Variants in ANO10 observed in about 807,000 individuals in gnomAD.
ANO10 encodes anoctamin-10.
ANO10 carries 77 observed loss-of-function variants against 74.7 expected under a neutral mutation model. The observed-to-expected ratio is 1.03, with a 90% CI of 0.86 to 1.25. The LOEUF (loss-of-function observed/expected upper bound fraction) is 1.25. Ranked by LOEUF, ANO10 falls within the 50% of genes most tolerant of loss-of-function variation. ANO10 has a pLI of 0.00. For synonymous variants in ANO10, 279 were observed against 284.9 expected, an observed-to-expected ratio of 0.98 and a Z score of 0.21; for missense variants, 721 against 778.1, an observed-to-expected ratio of 0.93 and a Z score of 0.87.
chr3:43,375,860 TTTGTTTGTTC>T (rs1461310931), intron 12 of ANO10, among the ~76,000 whole-genome samples: 2 of 152,260 alleles, frequency 1.3e-5, no homozygotes, highest in Non-Finnish European at 2.9e-5. Context: ...TATAATATTT[TTTGTTTGTTC>T]ATTTTTGTTT....
chr3:43,397,467 A>G (rs2092403514), intron 12 of ANO10, among the ~76,000 whole-genome samples: 1 of 152,110 alleles, frequency 6.6e-6, no homozygotes, highest in South Asian at 2.1e-4. Context: ...TTAAGTTAGA[A>G]GCAGTTCAAT....
At chr3:43,557,501 C>T (rs1302313451) in intron 9 of ANO10, among the ~76,000 whole-genome samples, 6 of 151,804 alleles carry the variant, frequency 4.0e-5, no homozygotes, top group African/African-American at 1.2e-4. Context: ...TTTGGGAGGC[C>T]GAGGCGGGTG....
intron 11 of ANO10, among the ~76,000 whole-genome samples, chr3:43,531,914 C>A (rs868063771): frequency 0.011 from 1,700 of 149,398 alleles, 29 homozygotes; most frequent in African/African-American, 0.039. Context: ...AAAAAAAAAA[C>A]AAAACCCATA....
At chr3:43,664,730 C>T (rs959681370) in intron 1 of ANO10, among the ~76,000 whole-genome samples, 2 of 152,150 alleles carry the variant, frequency 1.3e-5, no homozygotes, top group African/African-American at 4.8e-5. Flanking sequence ...TATGAACAGA[C>T]CCTTCTCAAA....
chr3:43,406,451 A>C (rs906302266), intron 12 of ANO10, among the ~76,000 whole-genome samples: 1 of 152,208 alleles, frequency 6.6e-6, no homozygotes, highest in Non-Finnish European at 1.5e-5. Flanking sequence ...AGGGGCAAAA[A>C]ATAAGCCATC....
chr3:43,545,113 G>A (rs1217012934), intron 11 of ANO10, among the ~76,000 whole-genome samples: 1 of 151,932 alleles, frequency 6.6e-6, no homozygotes, highest in African/African-American at 2.4e-5. Flanking sequence ...ATAGACTATG[G>A]CATTTTTTGA....
At chr3:43,580,564 G>A in intron 4 of ANO10, 92 bp from the exon 5 acceptor site, 1 of 1,513,360 alleles carries the variant, frequency 6.6e-7, no homozygotes, top group Non-Finnish European at 9.0e-7. Flanking sequence ...CTCCACAGAG[G>A]AGTACAACGC....
chr3:43,495,590 G>A (rs570517970), intron 11 of ANO10, among the ~76,000 whole-genome samples: 1 of 152,138 alleles, frequency 6.6e-6, no homozygotes, highest in Non-Finnish European at 1.5e-5. Flanking sequence ...CACAGATGAG[G>A]CATGGCAAGT....
chr3:43,413,714 A>C (rs2092698074), intron 12 of ANO10, among the ~76,000 whole-genome samples: 1 of 150,114 alleles, frequency 6.7e-6, no homozygotes, highest in South Asian at 2.2e-4. Flanking sequence ...AAAGTGAGTT[A>C]GTTTATGATC....
chr3:43,680,475 C>T (rs549351934), intron 1 of ANO10, among the ~76,000 whole-genome samples: 161 of 152,256 alleles, frequency 1.1e-3, no homozygotes, highest in Middle Eastern at 3.4e-3. Context: ...CTGAAAGTGA[C>T]GGGAAGAATG....
intron 1 of ANO10, among the ~76,000 whole-genome samples, chr3:43,609,809 T>C (rs2082726631): frequency 6.6e-6 from 1 of 152,074 alleles, no homozygotes; most frequent in Non-Finnish European, 1.5e-5. Context: ...ACAGTGAAAA[T>C]ACAGTATAAA....
At chr3:43,501,307 G>A (rs900045965) in intron 11 of ANO10, among the ~76,000 whole-genome samples, 1 of 152,054 alleles carries the variant, frequency 6.6e-6, no homozygotes, top group Non-Finnish European at 1.5e-5. Flanking sequence ...GAAATCATTC[G>A]TTAGCACAAG....
chr3:43,582,958 A>C (rs1362183375), intron 4 of ANO10, among the ~76,000 whole-genome samples: 1 of 152,190 alleles, frequency 6.6e-6, no homozygotes, highest in Non-Finnish European at 1.5e-5. Context: ...CCTTCTTCCT[A>C]TCACTACTCT....
At chr3:43,641,854 G>A (rs2083673504) in intron 1 of ANO10, among the ~76,000 whole-genome samples, 1 of 152,124 alleles carries the variant, frequency 6.6e-6, no homozygotes, top group Admixed American at 6.6e-5. Flanking sequence ...CATTCTACAG[G>A]AGGTTATGCC....
chr3:43,468,714 C>CTT lies in ANO10; in HGVS notation c.1798-35989_1798-35988dup, dbSNP rs202046317. Among the ~76,000 whole-genome samples, 50 of 141,414 alleles carry CTT rather than the reference C, an allele frequency of 3.5e-4. No individual in the cohort carries two copies. The East Asian group carries it at 5.6e-3, about 16-fold the overall frequency. The allele number at this position is 141,414 out of a possible 152,430, so 92.8% of individuals were successfully genotyped here. On this transcript the variant is annotated intron_variant, in intron 11 of 12. Coordinates refer to ENST00000292246, the MANE Select transcript of ANO10 (RefSeq NM_018075.5). ...CAGTGGGTTTTCTTTTTTTTGTTTT[C>CTT]TTTTTTTTTTTTTTGAGACAGAGTC...
At chr3:43,599,089 C>A (rs980620057) in intron 3 of ANO10, among the ~76,000 whole-genome samples, 19 of 152,208 alleles carry the variant, frequency 1.2e-4, no homozygotes, top group African/African-American at 4.3e-4. Context: ...CCATTCCATT[C>A]CCTTCTGCAG....
intron 11 of ANO10, among the ~76,000 whole-genome samples, chr3:43,499,628 C>A (rs1008474615): frequency 6.6e-6 from 1 of 150,758 alleles, no homozygotes; most frequent in Non-Finnish European, 1.5e-5. Flanking sequence ...TGTAAGACAC[C>A]GTAAGACACA....
chr3:43,684,826 C>G (rs1575592877), intron 1 of ANO10, among the ~76,000 whole-genome samples: 1 of 151,992 alleles, frequency 6.6e-6, no homozygotes, highest in East Asian at 1.9e-4. Context: ...CAAACTATTG[C>G]AAGGACAAAA....
rs554081174 is a variant in ANO10, at chr3:43,370,663, G to A, written c.1915-3689C>T. Among the ~76,000 whole-genome samples, 5 of 152,252 alleles carry A rather than the reference G, an allele frequency of 3.3e-5. No homozygotes were observed. The East Asian group carries it at 7.7e-4, about 23-fold the overall frequency. ...ATATAAGCAAGATAATAGAGCTGAC[G>A]ACTTCTCCAAAAAAGTATCAAAATG... On this transcript the variant is annotated intron_variant, in intron 12 of 12. Transcript: ENST00000292246.
Sources: allele counts gnomAD v4.1 joint callset (sites outside exome capture counted in the v4.1 genomes callset), GRCh38; gene constraint gnomAD v4.1.1; transcripts MANE v1.5; gene names NCBI Gene and HGNC (gene_info 2026-07-23, HGNC 2026-07-21).